SCTR: variants seen among roughly 807,000 people sequenced by gnomAD.
The protein encoded by SCTR is secretin receptor.
A neutral mutation model predicts 60.8 loss-of-function variants in SCTR; 56 were observed. That is an observed-to-expected ratio of 0.92 (90% CI 0.74 to 1.15). SCTR has a LOEUF of 1.15. Among genes scored for constraint, SCTR ranks in the 50% most tolerant of loss-of-function variants. The pLI is 0.00. For synonymous variants in SCTR, 202 were observed against 217.0 expected (o/e 0.93, Z 0.61); for missense variants, 562 against 550.4 (o/e 1.02, Z -0.21).
intron 1 of SCTR, among the ~76,000 whole-genome samples, chr2:119,507,526 G>A (rs1385662814): frequency 1.3e-5 from 2 of 152,088 alleles, no homozygotes; most frequent in Non-Finnish European, 2.9e-5. Flanking sequence ...AGTAAGGTAG[G>A]CTGGGGACTC....
intron 1 of SCTR, among the ~76,000 whole-genome samples, chr2:119,503,395 A>T (rs1678622102): frequency 6.6e-6 from 1 of 152,036 alleles, no homozygotes; most frequent in Admixed American, 6.6e-5. Context: ...GTGAGATCCC[A>T]TCGCTTAAAA....
At chr2:119,519,824 A>G (rs1573936405) in intron 1 of SCTR, among the ~76,000 whole-genome samples, 3 of 122,070 alleles carry the variant, frequency 2.5e-5, no homozygotes, top group East Asian at 8.5e-4. Context: ...AAAAAAAAAA[A>G]AAAGAAAAAA....
rs1391062572 is a variant in SCTR, at chr2:119,455,273, T to TG, written c.791-1927dup. ...CAGACAAAGAGCCTATAGATAGCCATGGGGGGACCCCCCAACACTTCCAGT... is the reference window on the plus strand; with the variant it reads ...CAGACAAAGAGCCTATAGATAGCCATGGGGGGGACCCCCCAACACTTCCAGT... On this transcript the variant is annotated intron_variant, in intron 7 of 12. Transcript: ENST00000019103. 2.0e-5 allele frequency among the ~76,000 whole-genome samples: 3 copies of TG among 152,216 alleles called. No individual in the cohort carries two copies. In the East Asian group the frequency reaches 5.8e-4, roughly 29 times the overall value.
intron 11 of SCTR, among the ~76,000 whole-genome samples, chr2:119,444,278 TATGAATATATAC>T (rs1682788363): frequency 6.9e-6 from 1 of 144,424 alleles, no homozygotes; most frequent in African/African-American, 2.5e-5. Flanking sequence ...CATATATACA[TATGAATATATAC>T]ACATATATAC....
At chr2:119,503,178 TAGAAA>T (rs1678612655) in intron 1 of SCTR, among the ~76,000 whole-genome samples, 1 of 109,782 alleles carries the variant, frequency 9.1e-6, no homozygotes, top group African/African-American at 3.6e-5. Flanking sequence ...AAAAAAAAAA[TAGAAA>T]AGAAAAAGGA....
Position 119,441,545 on chromosome 2 carries a change from C to A in SCTR, c.1182+13G>T, listed in dbSNP as rs1175161482. ...AGCTCTCCTGGGTACCTGGGTGACC[C>A]AAGACTACTCACCTCCCCATTGAGG... On this transcript the variant is annotated intron_variant, in intron 12 of 12. Coordinates refer to ENST00000019103, the MANE Select transcript of SCTR (RefSeq NM_002980.3). 1 of 1,608,766 alleles carries A rather than the reference C, an allele frequency of 6.2e-7. No individual in the cohort carries two copies. The highest frequency in any genetic ancestry group is 8.5e-7 in the Non-Finnish European group (1 of 1,175,986).
intron 10 of SCTR, among the ~76,000 whole-genome samples, chr2:119,447,764 G>T (rs1285029380): frequency 7.2e-5 from 11 of 152,132 alleles, no homozygotes; most frequent in Non-Finnish European, 1.3e-4. Context: ...CAAAGACGAG[G>T]TTTCACCATC....
chr2:119,452,157 A>C, intron 8 of SCTR, 78 bp from the exon 9 acceptor site: 1 of 870,834 alleles, frequency 1.1e-6, no homozygotes, highest in East Asian at 2.5e-5. Context: ...ATGTTCCCTG[A>C]GGTGGCCCTT....
intron 3 of SCTR, among the ~76,000 whole-genome samples, chr2:119,478,324 C>T (rs1388739332): frequency 6.6e-6 from 1 of 152,220 alleles, no homozygotes; most frequent in African/African-American, 2.4e-5. Context: ...AAATCCGCAG[C>T]TGTCTTCTGG....
At chr2:119,514,447 G>A (rs184432986) in intron 1 of SCTR, among the ~76,000 whole-genome samples, 254 of 152,348 alleles carry the variant, frequency 1.7e-3, no homozygotes, top group Non-Finnish European at 3.1e-3. Context: ...TCTGCAGAGA[G>A]AAAGAATAAC....
chr2:119,519,484 G>A (rs985482150), intron 1 of SCTR, among the ~76,000 whole-genome samples: 1 of 152,116 alleles, frequency 6.6e-6, no homozygotes, highest in Admixed American at 6.6e-5. Context: ...CAGAAACCCG[G>A]AACAGGCCTC....
At chr2:119,475,685 T>A (rs1677250678) in intron 3 of SCTR, among the ~76,000 whole-genome samples, 1 of 147,336 alleles carries the variant, frequency 6.8e-6, no homozygotes, top group African/African-American at 2.5e-5. Context: ...TGTATTATAT[T>A]ATAAATATAA....
intron 1 of SCTR, among the ~76,000 whole-genome samples, chr2:119,522,486 A>G (rs1368501456): frequency 6.6e-6 from 1 of 152,104 alleles, no homozygotes; most frequent in South Asian, 2.1e-4. Flanking sequence ...CTTCTCTCTG[A>G]GAGTCTCAGT....
rs186855653 is a variant in SCTR at position 119,508,479 on chromosome 2, C to A, written c.73-13931G>T. On this transcript the variant is annotated intron_variant, in intron 1 of 12. Transcript: ENST00000019103. ...ATAGCTCACTGCAGCCTCGACCTCC[C>A]AGGCTCAAGCCATCCTCCCATCTCA... is the stretch of plus-strand genomic sequence containing the variant. 8.8e-3 allele frequency among the ~76,000 whole-genome samples: 1,290 copies of A among 147,240 alleles called. 21 individuals are homozygous for A. The highest frequency in any genetic ancestry group is 0.031 in the African/African-American group (1,240 of 39,698).
At chr2:119,512,492 G>T (rs910356192) in intron 1 of SCTR, among the ~76,000 whole-genome samples, 1 of 152,024 alleles carries the variant, frequency 6.6e-6, no homozygotes, top group African/African-American at 2.4e-5. Flanking sequence ...TGCCTCCCAG[G>T]CTCAACTGAT....
At chr2:119,454,523 T>C (rs942703186) in intron 7 of SCTR, among the ~76,000 whole-genome samples, 3 of 152,054 alleles carry the variant, frequency 2.0e-5, no homozygotes, top group East Asian at 1.9e-4. Flanking sequence ...AAGTGCAAGA[T>C]AGATACCATA....
At chr2:119,478,167 C>T (rs899465629) in intron 3 of SCTR, among the ~76,000 whole-genome samples, 1 of 152,186 alleles carries the variant, frequency 6.6e-6, no homozygotes, top group African/African-American at 2.4e-5. Flanking sequence ...TTCTCAGTCC[C>T]TGTTATTATT....
At chr2:119,457,885 C>T (rs75655867) in intron 7 of SCTR, among the ~76,000 whole-genome samples, 2 of 152,196 alleles carry the variant, frequency 1.3e-5, no homozygotes, top group East Asian at 3.9e-4. Context: ...AGGCTGAGCT[C>T]GGGAATAAGA....
chr2:119,474,283 A>C (rs1042877495), intron 3 of SCTR, among the ~76,000 whole-genome samples: 13 of 152,204 alleles, frequency 8.5e-5, no homozygotes, highest in African/African-American at 2.9e-4. Context: ...ACAGAAAGGC[A>C]AATTGAATGG....
Sources: gnomAD v4.1 joint callset for allele counts (sites outside exome capture counted in the v4.1 genomes callset) on GRCh38, gnomAD v4.1.1 for gene constraint, MANE v1.5 for transcripts, NCBI Gene and HGNC (gene_info 2026-07-23, HGNC 2026-07-21) for gene names.